Variants in RIMS2 observed in about 807,000 individuals in gnomAD.
RIMS2 encodes regulating synaptic membrane exocytosis protein 2.
A neutral mutation model predicts 174.4 loss-of-function variants in RIMS2; 59 were observed. That is an observed-to-expected ratio of 0.34 (90% CI 0.27 to 0.42). The LOEUF is 0.42. Ranked by LOEUF, RIMS2 falls within the 10% of genes least tolerant of loss-of-function variation. The pLI is 1.00. For missense variants in RIMS2, 1,620 were observed against 1,666.3 expected, an observed-to-expected ratio of 0.97 and a Z score of 0.48; for synonymous variants, 606 against 572.5, an observed-to-expected ratio of 1.06 and a Z score of -0.84.
intron 19 of RIMS2, among the ~76,000 whole-genome samples, chr8:104,014,835 T>C (rs1024472839): frequency 6.6e-6 from 1 of 152,218 alleles, no homozygotes; most frequent in African/African-American, 2.4e-5. Flanking sequence ...TGCACATTTT[T>C]AAATTTGAAT....
intron 19 of RIMS2, among the ~76,000 whole-genome samples, chr8:104,241,892 T>A (rs1435612634): frequency 6.6e-6 from 1 of 152,124 alleles, no homozygotes; most frequent in Non-Finnish European, 1.5e-5. Context: ...CCCAAGTAGC[T>A]GGGATTACAG....
intron 14 of RIMS2, among the ~76,000 whole-genome samples, chr8:103,945,416 G>A (rs1413382705): frequency 6.6e-6 from 1 of 151,938 alleles, no homozygotes; most frequent in East Asian, 1.9e-4. Context: ...AAGAGAAAGG[G>A]AATACCCACC....
rs555070251 is a variant in RIMS2, at chr8:103,696,596, G to A, written c.177-490G>A. On this transcript the variant is annotated intron_variant, in intron 1 of 23. Transcript: ENST00000504942. The stretch of plus-strand genomic sequence containing the variant: ...TATTAGAAGGTAGAGACTGGGTATG[G>A]TGGCTCAGGTCTGTAATCATAGCAC... Among the ~76,000 whole-genome samples the A allele has an allele frequency of 1.2e-4, 18 of 151,964 alleles. No individual in the cohort carries two copies. In the South Asian group the frequency reaches 3.8e-3, roughly 32 times the overall value.
At chr8:103,713,932 C>T (rs2097338593) in intron 2 of RIMS2, among the ~76,000 whole-genome samples, 1 of 152,138 alleles carries the variant, frequency 6.6e-6, no homozygotes. Flanking sequence ...CTTTTATCCC[C>T]TCTAGATCCC....
chr8:103,897,163 A>C (rs1341181261), intron 4 of RIMS2, among the ~76,000 whole-genome samples: 1 of 151,736 alleles, frequency 6.6e-6, no homozygotes, highest in Non-Finnish European at 1.5e-5. Flanking sequence ...CCTATTAATT[A>C]GCCAAGCCAT....
chr8:103,868,686 T>G (rs1353851653), intron 3 of RIMS2, among the ~76,000 whole-genome samples: 1 of 152,134 alleles, frequency 6.6e-6, no homozygotes, highest in African/African-American at 2.4e-5. Context: ...ATGTGAATTT[T>G]AGTTTTTTCT....
intron 3 of RIMS2, among the ~76,000 whole-genome samples, chr8:103,781,739 T>C (rs990308989): frequency 5.9e-5 from 1 of 16,878 alleles, no homozygotes; most frequent in Non-Finnish European, 1.1e-4. Flanking sequence ...TCCCCTAATC[T>C]TTTTTTTTTT....
intron 1 of RIMS2, among the ~76,000 whole-genome samples, chr8:103,604,058 C>A (rs1588754880): frequency 6.7e-6 from 1 of 149,808 alleles, no homozygotes; most frequent in South Asian, 2.1e-4. Context: ...GTGTTTTAGA[C>A]ATGAAGTCCT....
chr8:104,192,421 T>C (rs1586955768), intron 19 of RIMS2, among the ~76,000 whole-genome samples: 1 of 152,292 alleles, frequency 6.6e-6, no homozygotes, highest in East Asian at 1.9e-4. Flanking sequence ...GTTCCAATTC[T>C]TATACTTTAA....
At chr8:103,685,011 T>C (rs2096924639) in intron 1 of RIMS2, among the ~76,000 whole-genome samples, 1 of 152,178 alleles carries the variant, frequency 6.6e-6, no homozygotes, top group Non-Finnish European at 1.5e-5. Flanking sequence ...TTAGCCATTA[T>C]ATTTAGTTTT....
chr8:103,895,955 T>C (rs965975856), intron 4 of RIMS2, among the ~76,000 whole-genome samples: 1 of 151,608 alleles, frequency 6.6e-6, no homozygotes, highest in Non-Finnish European at 1.5e-5. Context: ...TGCCATTTAA[T>C]GTTTGTGTGG....
intron 19 of RIMS2, among the ~76,000 whole-genome samples, chr8:104,209,889 A>G (rs899201962): frequency 2.0e-5 from 3 of 152,192 alleles, no homozygotes; most frequent in African/African-American, 7.2e-5. Context: ...GACATATATA[A>G]TAAAAAATGA....
intron 1 of RIMS2, among the ~76,000 whole-genome samples, chr8:103,577,533 C>G (rs1371970834): frequency 1.3e-5 from 2 of 152,120 alleles, no homozygotes; most frequent in African/African-American, 4.8e-5. Flanking sequence ...ACAGGTGCAG[C>G]AAACCACCAT....
chr8:103,913,369 G>A (rs2076095600), intron 6 of RIMS2, among the ~76,000 whole-genome samples: 1 of 152,012 alleles, frequency 6.6e-6, no homozygotes, highest in African/African-American at 2.4e-5. Flanking sequence ...AGGAGTTCGA[G>A]GTTACAGTGG....
intron 1 of RIMS2, among the ~76,000 whole-genome samples, chr8:103,627,319 G>GA (rs1244973468): frequency 6.6e-6 from 1 of 152,150 alleles, no homozygotes; most frequent in Non-Finnish European, 1.5e-5. Context: ...CTTGTTCCCT[G>GA]AAAATCACTG....
intron 3 of RIMS2, among the ~76,000 whole-genome samples, chr8:103,864,922 A>C (rs1222766622): frequency 6.6e-6 from 1 of 152,148 alleles, no homozygotes; most frequent in Non-Finnish European, 1.5e-5. Context: ...TAATTAATTA[A>C]ATGATATTAT....
rs537219888 is a variant in RIMS2, at chr8:104,010,321, A to G, written c.3045-3121A>G. The stretch of plus-strand genomic sequence containing the variant: ...ATTATAAAATTATTTTTCCCTTAGA[A>G]TGACTGAAAATAAATACTGAACACT... On this transcript the variant is annotated intron_variant, in intron 17 of 23. Coordinates refer to ENST00000504942, the Ensembl canonical transcript of RIMS2. Among the ~76,000 whole-genome samples, 6 of 152,310 alleles carry G rather than the reference A, an allele frequency of 3.9e-5. No individual in the cohort carries two copies. In the East Asian group the frequency reaches 1.2e-3, roughly 29 times the overall value.
chr8:103,855,140 G>A (rs1401111996), intron 3 of RIMS2, among the ~76,000 whole-genome samples: 1 of 151,786 alleles, frequency 6.6e-6, no homozygotes, highest in Non-Finnish European at 1.5e-5. Context: ...TCTAGTTTTT[G>A]TGCATAGAGA....
intron 3 of RIMS2, among the ~76,000 whole-genome samples, chr8:103,799,123 G>T (rs559565215): frequency 6.6e-6 from 1 of 151,996 alleles, no homozygotes; most frequent in Admixed American, 6.6e-5. Flanking sequence ...CAACCACAAC[G>T]TGAATTCTGC....
Sources: gnomAD v4.1 joint callset for allele counts (sites outside exome capture counted in the v4.1 genomes callset) on GRCh38, gnomAD v4.1.1 for gene constraint, MANE v1.5 for transcripts, NCBI Gene and HGNC (gene_info 2026-07-23, HGNC 2026-07-21) for gene names.